The following LPXN variants were observed in gnomAD, a reference collection of about 807,000 sequenced individuals.
LPXN encodes the protein leupaxin.
LPXN carries 28 observed loss-of-function variants against 45.6 expected under a neutral mutation model. The observed-to-expected ratio is 0.61, with a 90% CI of 0.45 to 0.84. The LOEUF (loss-of-function observed/expected upper bound fraction) is 0.84. LPXN is among the 40% of genes least tolerant of loss of function. The pLI is 0.00. For synonymous variants in LPXN, 166 were observed against 169.9 expected (o/e 0.98, Z 0.18); for missense variants, 459 against 475.0 (o/e 0.97, Z 0.31).
chr11:58,528,313 C>A (rs1005183634), intron 7 of LPXN, 122 bp from the exon 8 acceptor site: 9 of 897,620 alleles, frequency 1.0e-5, no homozygotes, highest in Admixed American at 2.4e-5. Flanking sequence ...ATTACTGTTA[C>A]CTAATTCAAA....
upstream of LPXN, among the ~76,000 whole-genome samples, chr11:58,578,640 C>T (rs1328926246): frequency 2.6e-5 from 4 of 152,142 alleles, no homozygotes; most frequent in African/African-American, 7.2e-5. Flanking sequence ...AGGGTGGAGG[C>T]GGAAGAACGC....
chr11:58,578,564 A>AC (rs1854991442), upstream of LPXN, among the ~76,000 whole-genome samples: 1 of 151,878 alleles, frequency 6.6e-6, no homozygotes, highest in Non-Finnish European at 1.5e-5. Flanking sequence ...TCAAAATACT[A>AC]CCCCCTTCTC....
intron 7 of LPXN, among the ~76,000 whole-genome samples, chr11:58,529,945 C>G (rs1853338283): frequency 6.6e-6 from 1 of 152,130 alleles, no homozygotes; most frequent in African/African-American, 2.4e-5. Flanking sequence ...CAGGGAACTC[C>G]CTCTCCTAAC....
chr11:58,574,956 C>T (rs1854835635), intron 1 of LPXN, among the ~76,000 whole-genome samples: 1 of 152,110 alleles, frequency 6.6e-6, no homozygotes, highest in Non-Finnish European at 1.5e-5. Flanking sequence ...GGAATTAATA[C>T]AGTTTGGAAA....
At chr11:58,527,996 G>A in intron 8 of LPXN, 47 bp downstream of exon 8, 1 of 1,585,210 alleles carries the variant, frequency 6.3e-7, no homozygotes, top group Non-Finnish European at 8.6e-7. Flanking sequence ...TCAGAGAGGA[G>A]AACCCTTGAC....
chr11:58,545,019 G>A (rs1352674065), intron 7 of LPXN, among the ~76,000 whole-genome samples: 2 of 152,140 alleles, frequency 1.3e-5, no homozygotes, highest in Non-Finnish European at 2.9e-5. Context: ...TTGGGGTGAG[G>A]CAGGATGACA....
At chr11:58,574,522 C>T (rs1854815999) in intron 1 of LPXN, among the ~76,000 whole-genome samples, 1 of 151,994 alleles carries the variant, frequency 6.6e-6, no homozygotes, top group African/African-American at 2.4e-5. Flanking sequence ...GTATTAGTTT[C>T]CTTTTGAATT....
chr11:58,577,862 G>A, upstream of LPXN: 1 of 813,060 alleles, frequency 1.2e-6, no homozygotes, highest in Admixed American at 3.2e-5. Context: ...TCCCAACAAG[G>A]TCTAGTAGAA....
chr11:58,564,590 C>T (rs888276848), intron 2 of LPXN, among the ~76,000 whole-genome samples: 1 of 152,094 alleles, frequency 6.6e-6, no homozygotes, highest in Non-Finnish European at 1.5e-5. Flanking sequence ...AAAGAAATAA[C>T]ATGTGAATCT....
At chr11:58,567,723 C>G (rs149110744) in intron 2 of LPXN, among the ~76,000 whole-genome samples, 4 of 152,332 alleles carry the variant, frequency 2.6e-5, no homozygotes, top group African/African-American at 9.6e-5. Context: ...GATCTTTCTA[C>G]TTGCCTGCAT....
chr11:58,539,236 G>C (rs1451816417), intron 7 of LPXN, among the ~76,000 whole-genome samples: 2 of 152,148 alleles, frequency 1.3e-5, no homozygotes, highest in Non-Finnish European at 2.9e-5. Context: ...CTTGAGTCCA[G>C]GAGTTCAAGG....
intron 5 of LPXN, 122 bp downstream of exon 5, chr11:58,550,943 T>A: frequency 1.1e-6 from 1 of 904,046 alleles, no homozygotes; most frequent in Non-Finnish European, 1.6e-6. Flanking sequence ...CAGAGCACTG[T>A]AAGTGATTAG....
chr11:58,538,216 A>G (rs1853612569), intron 7 of LPXN, among the ~76,000 whole-genome samples: 2 of 152,152 alleles, frequency 1.3e-5, no homozygotes, highest in Non-Finnish European at 2.9e-5. Context: ...TATTGTGAAT[A>G]GTGCCGCCAT....
chr11:58,551,032 A>G (rs1264914627), intron 5 of LPXN, 33 bp downstream of exon 5: 6 of 1,512,970 alleles, frequency 4.0e-6, no homozygotes, highest in Non-Finnish European at 5.3e-6. Flanking sequence ...GAGACAAAGA[A>G]GGCTGTAGGA....
Position 58,528,141 on chromosome 11 carries a change from T to C in LPXN, c.793A>G (p.Met265Val), listed in dbSNP as rs768567911. The C allele has an allele frequency of 1.9e-6, 3 of 1,614,222 alleles. No individual in the cohort carries two copies. Among genetic ancestry groups the C allele is most frequent in the South Asian group, 1.1e-5 (1 of 91,090 alleles). Residue 265 changes from methionine (M) to valine (V), a missense_variant, in exon 8 of 9, where the codon ATG becomes GTG. By Grantham distance (21) the Met-to-Val change is conservative. Transcript: ENST00000395074. ...CAGCCACCACACTTGGGTGAGAACATGGCTAAGAAATCCTTTCGGCAATAT... is the reference window on the plus strand; with the variant it reads ...CAGCCACCACACTTGGGTGAGAACACGGCTAAGAAATCCTTTCGGCAATAT... ...KPYCRKDFLA[M>V]FSPKCGGCNR...
rs1398792883 is a variant in LPXN, at chr11:58,550,101, A to G, written c.532T>C (p.Cys178Arg). 3 of 1,614,082 alleles carry G rather than the reference A, an allele frequency of 1.9e-6. No homozygotes were observed. Among genetic ancestry groups the G allele is most frequent in the Non-Finnish European group, 2.5e-6 (3 of 1,180,028 alleles). ...CCAATCTCTTCTTTGCAATGAGTAC[A>G]GACAAAATGCTCAGGATGCCATGAT... Reference protein sequence around the residue: ...GQSWHPEHFVCTHCKEEIGSS... With the variant: ...GQSWHPEHFVRTHCKEEIGSS... The change falls in exon 6 of 9, where the codon TGT becomes CGT. Residue 178 changes from cysteine to arginine, a missense_variant. Cys to Arg is a radical substitution (Grantham distance 180). Transcript: ENST00000395074.
intron 7 of LPXN, among the ~76,000 whole-genome samples, chr11:58,547,919 A>G (rs1342397834): frequency 6.6e-6 from 1 of 152,196 alleles, no homozygotes; most frequent in Non-Finnish European, 1.5e-5. Context: ...CAGCTTTCTG[A>G]TTCCATATTT....
chr11:58,564,800 G>A (rs1190670390), intron 2 of LPXN, among the ~76,000 whole-genome samples: 1 of 152,196 alleles, frequency 6.6e-6, no homozygotes, highest in Non-Finnish European at 1.5e-5. Context: ...CATAGAGGAT[G>A]GGAAGTGGGG....
chr11:58,570,726 A>C lies in LPXN; in HGVS notation c.14-13T>G. 2 of 1,589,432 alleles carry C rather than the reference A, an allele frequency of 1.3e-6. No individual in the cohort carries two copies. The highest frequency in any genetic ancestry group is 1.7e-6 in the Non-Finnish European group (2 of 1,164,504). On this transcript the variant is annotated splice_polypyrimidine_tract_variant and intron_variant, in intron 1 of 8. Coordinates refer to ENST00000395074, the MANE Select transcript of LPXN (RefSeq NM_004811.3). ...TCCAATAAGGCATCTACACCATAAG[A>C]AGCAAGAGAATCATGACAGAGAATA...
Sources: allele counts gnomAD v4.1 joint callset (sites outside exome capture counted in the v4.1 genomes callset), GRCh38; gene constraint gnomAD v4.1.1; transcripts MANE v1.5; gene names NCBI Gene and HGNC (gene_info 2026-07-23, HGNC 2026-07-21).